Variants in TRIO observed in about 807,000 individuals in gnomAD.
TRIO encodes the protein triple functional domain protein.
In TRIO, 58 loss-of-function variants were observed where a neutral mutation model predicts 351.9. That is an observed-to-expected ratio of 0.16 (90% confidence interval 0.13 to 0.21). The LOEUF (loss-of-function observed/expected upper bound fraction) is 0.21, where lower values mean the gene tolerates loss of function less well. Ranked by LOEUF, TRIO falls within the 10% of genes least tolerant of loss-of-function variation. The pLI is 1.00. For synonymous variants in TRIO, 1,758 were observed against 1,595.7 expected (o/e 1.10, Z -2.42); for missense variants, 3,201 against 4,027.8 (o/e 0.79, Z 5.56).
At chr5:14,328,149 G>A (rs928867874) in intron 9 of TRIO, among the ~76,000 whole-genome samples, 59 of 151,906 alleles carry the variant, frequency 3.9e-4, no homozygotes, top group African/African-American at 1.4e-3. Context: ...TAAAGTGCAC[G>A]CCCAATACGC....
chr5:14,495,602 A>G (rs1347611125), intron 49 of TRIO, among the ~76,000 whole-genome samples: 2 of 144,500 alleles, frequency 1.4e-5, no homozygotes, highest in African/African-American at 5.2e-5. Context: ...CGGGTGGATC[A>G]TAAGGTCAGA....
intron 43 of TRIO, among the ~76,000 whole-genome samples, chr5:14,480,449 A>G (rs997991322): frequency 1.3e-5 from 2 of 152,216 alleles, no homozygotes; most frequent in African/African-American, 4.8e-5. Flanking sequence ...CTTCTGCTCT[A>G]TCAACTTTAA....
At chr5:14,190,719 T>C (rs1304822233) in intron 1 of TRIO, among the ~76,000 whole-genome samples, 1 of 152,152 alleles carries the variant, frequency 6.6e-6, no homozygotes, top group Admixed American at 6.5e-5. Context: ...TCTGGTCCTT[T>C]GCAAATACCA....
chr5:14,216,140 G>A (rs1245129449), intron 1 of TRIO, among the ~76,000 whole-genome samples: 3 of 152,204 alleles, frequency 2.0e-5, no homozygotes, highest in Non-Finnish European at 4.4e-5. Context: ...CTCAGATTGT[G>A]ATGGGGACTC....
intron 35 of TRIO, 80 bp downstream of exon 35, chr5:14,461,391 G>A (rs994333308): frequency 7.0e-7 from 1 of 1,419,094 alleles, no homozygotes; most frequent in Non-Finnish European, 9.2e-7. Flanking sequence ...CTGATCTTAT[G>A]AGTAAACTGG....
intron 1 of TRIO, among the ~76,000 whole-genome samples, chr5:14,190,548 T>C (rs117226302): frequency 6.6e-6 from 1 of 152,268 alleles, no homozygotes; most frequent in East Asian, 1.9e-4. Context: ...AGAGTGCATT[T>C]GGTGCCGTGG....
chr5:14,439,304 G>A (rs1360716974), intron 34 of TRIO, among the ~76,000 whole-genome samples: 2 of 152,176 alleles, frequency 1.3e-5, no homozygotes, highest in South Asian at 4.1e-4. Context: ...ATGAGCCACC[G>A]CGCCTGGCCC....
chr5:14,267,670 G>A (rs1424069806), intron 1 of TRIO, among the ~76,000 whole-genome samples: 1 of 152,034 alleles, frequency 6.6e-6, no homozygotes, highest in African/African-American at 2.4e-5. Flanking sequence ...GAACTTTCAT[G>A]GTTGGGTTCT....
At chr5:14,405,119 T>C (rs1748589405) in intron 31 of TRIO, among the ~76,000 whole-genome samples, 1 of 151,126 alleles carries the variant, frequency 6.6e-6, no homozygotes, top group South Asian at 2.1e-4. Flanking sequence ...GATCAAGTGA[T>C]GTCGTGCGTG....
At chr5:14,201,524 C>T (rs1289419028) in intron 1 of TRIO, among the ~76,000 whole-genome samples, 1 of 152,116 alleles carries the variant, frequency 6.6e-6, no homozygotes, top group Non-Finnish European at 1.5e-5. Context: ...CATTTGGCAG[C>T]ATCGATTGTT....
chr5:14,454,805 C>T (rs893310984), intron 34 of TRIO, among the ~76,000 whole-genome samples: 1 of 152,150 alleles, frequency 6.6e-6, no homozygotes, highest in Non-Finnish European at 1.5e-5. Context: ...AGAATGAAGC[C>T]GTGGATCTTC....
chr5:14,385,029 G>A (rs548938247), intron 21 of TRIO, among the ~76,000 whole-genome samples: 3 of 152,194 alleles, frequency 2.0e-5, no homozygotes, highest in South Asian at 4.1e-4. Flanking sequence ...TAAGAAAAGC[G>A]TACATCAAAA....
Position 14,297,164 on chromosome 5 carries a change from G to T in TRIO, c.1269G>T (p.Ala423=), listed in dbSNP as rs377545795. The part of the protein sequence containing the change: ...HYASQQIRQI[A]SQLEQEWKAF... The stretch of plus-strand genomic sequence containing the variant: ...CCTCGCAGCAGATCAGGCAGATCGC[G>T]AGTCAGCTGGAGCAGGAGTGGAAGG... Residue 423 remains alanine (A), a synonymous_variant, in exon 7 of 57, where the codon GCG becomes GCT. Coordinates refer to ENST00000344204, the MANE Select transcript of TRIO (RefSeq NM_007118.4). 3.1e-6 allele frequency: 5 copies of T among 1,614,104 alleles called. No homozygotes were observed. Among genetic ancestry groups the T allele is most frequent in the Non-Finnish European group, 4.2e-6 (5 of 1,180,058 alleles).
chr5:14,393,048 AAAAG>A (rs973560742), intron 27 of TRIO, among the ~76,000 whole-genome samples: 2 of 142,514 alleles, frequency 1.4e-5, no homozygotes, highest in Non-Finnish European at 2.9e-5. Context: ...CTCCATCTCA[AAAAG>A]AAAGAAAAAA....
At chr5:14,384,473 G>A (rs1405221491) in intron 21 of TRIO, among the ~76,000 whole-genome samples, 1 of 152,078 alleles carries the variant, frequency 6.6e-6, no homozygotes, top group Non-Finnish European at 1.5e-5. Flanking sequence ...TTTAAGCACT[G>A]TAACGATCTC....
chr5:14,230,201 C>T (rs1193247677), intron 1 of TRIO, among the ~76,000 whole-genome samples: 1 of 152,170 alleles, frequency 6.6e-6, no homozygotes, highest in African/African-American at 2.4e-5. Flanking sequence ...AGATTTCCTC[C>T]ACTTATGTGA....
chr5:14,488,242 G>A lies in TRIO; in HGVS notation c.7614G>A (p.Gln2538=), dbSNP rs1284304874. ...TCSSASEQSV[Q]STQSNGSESS... ...CCTCGGCCAGCGAGCAGTCCGTGCA[G>A]TCCACCCAGAGCAACGGGGTAAGCG... Residue 2538 remains glutamine, a synonymous_variant, in exon 48 of 57, where the codon CAG becomes CAA. Coordinates refer to ENST00000344204, the MANE Select transcript of TRIO (RefSeq NM_007118.4). The A allele has an allele frequency of 6.3e-7, 1 of 1,580,814 alleles. No individual in the cohort carries two copies. Among genetic ancestry groups the A allele is most frequent in the Non-Finnish European group, 8.5e-7 (1 of 1,171,090 alleles).
At chr5:14,465,482 G>A in intron 36 of TRIO, 63 bp from the exon 37 acceptor site, 2 of 1,521,306 alleles carry the variant, frequency 1.3e-6, no homozygotes, top group Non-Finnish European at 1.8e-6. Context: ...GGAATTTACT[G>A]TCTGACCAGT....
At chr5:14,362,998 C>T (rs1371484671) in intron 13 of TRIO, among the ~76,000 whole-genome samples, 2 of 127,412 alleles carry the variant, frequency 1.6e-5, no homozygotes, top group African/African-American at 5.4e-5. Context: ...GGTTTTCTAT[C>T]TACTTTTTTT....
Sources: allele counts gnomAD v4.1 joint callset (sites outside exome capture counted in the v4.1 genomes callset), GRCh38; gene constraint gnomAD v4.1.1; transcripts MANE v1.5; gene names NCBI Gene and HGNC (gene_info 2026-07-23, HGNC 2026-07-21).